Variants in TCEA1 observed in about 807,000 individuals in gnomAD.
TCEA1 encodes the protein transcription elongation factor A1.
TCEA1 carries 21 observed loss-of-function variants against 43.8 expected under a neutral mutation model. The ratio of observed to expected loss-of-function variants is 0.48; its 90% CI spans 0.34 to 0.69. The LOEUF (loss-of-function observed/expected upper bound fraction) is 0.69. Ranked by LOEUF, TCEA1 falls within the 30% of genes least tolerant of loss-of-function variation. The pLI, the probability that TCEA1 is intolerant of heterozygous loss-of-function variation, is 0.01. For synonymous variants in TCEA1, 104 were observed against 117.5 expected (o/e 0.88, Z 0.75); for missense variants, 250 against 365.1 (o/e 0.68, Z 2.57).
intron 1 of TCEA1, among the ~76,000 whole-genome samples, chr8:54,017,607 A>T (rs1279357000): frequency 6.6e-6 from 1 of 152,180 alleles, no homozygotes; most frequent in Non-Finnish European, 1.5e-5. Flanking sequence ...CAATATGGTG[A>T]AACCCCATCT....
At chr8:53,992,930 C>T (rs200977667) in intron 4 of TCEA1, among the ~76,000 whole-genome samples, 1 of 150,006 alleles carries the variant, frequency 6.7e-6, no homozygotes, top group East Asian at 2.0e-4. Context: ...ATGAACTTCA[C>T]ATTTTAAGTT....
At chr8:54,004,080 C>CAATGA in intron 2 of TCEA1, among the ~76,000 whole-genome samples, 1 of 152,244 alleles carries the variant, frequency 6.6e-6, no homozygotes, top group Middle Eastern at 3.4e-3. Flanking sequence ...ATTAAAGCTA[C>CAATGA]AATGAAATAC....
At chr8:54,010,948 T>G (rs1296442182) in intron 1 of TCEA1, among the ~76,000 whole-genome samples, 2 of 152,020 alleles carry the variant, frequency 1.3e-5, no homozygotes, top group African/African-American at 4.8e-5. Flanking sequence ...CCTGAGTAGG[T>G]GAGATTACAG....
intron 4 of TCEA1, among the ~76,000 whole-genome samples, chr8:53,991,341 C>G (rs1334533982): frequency 6.6e-6 from 1 of 151,102 alleles, no homozygotes; most frequent in African/African-American, 2.4e-5. Flanking sequence ...TGCAGTGAGG[C>G]AAGATTGTGC....
chr8:53,988,547 T>C (rs1371494843), intron 4 of TCEA1, among the ~76,000 whole-genome samples: 5 of 152,230 alleles, frequency 3.3e-5, no homozygotes, highest in African/African-American at 1.2e-4. Flanking sequence ...ATACCCATTA[T>C]AGCTCAGTAC....
At chr8:54,005,214 A>T (rs1185217825) in intron 2 of TCEA1, among the ~76,000 whole-genome samples, 1 of 152,188 alleles carries the variant, frequency 6.6e-6, no homozygotes, top group Non-Finnish European at 1.5e-5. Flanking sequence ...TTTCTCTTAT[A>T]TTCTAGAGCT....
intron 8 of TCEA1, chr8:53,972,134 T>G: frequency 3.4e-6 from 1 of 293,392 alleles, no homozygotes; most frequent in Admixed American, 4.9e-5. Context: ...TAACGGCAAG[T>G]GGCAGTGATG....
chr8:53,999,890 A>G (rs1471954262), intron 3 of TCEA1, 55 bp downstream of exon 3: 5 of 1,185,592 alleles, frequency 4.2e-6, no homozygotes, highest in Non-Finnish European at 6.1e-6. Context: ...GTAACCATTA[A>G]CTATTTGAAT....
chr8:53,969,252 T>C (rs1803083079), intron 9 of TCEA1, among the ~76,000 whole-genome samples: 1 of 152,170 alleles, frequency 6.6e-6, no homozygotes, highest in Admixed American at 6.5e-5. Flanking sequence ...ATAGCGCCAC[T>C]GCACTCCAGC....
chr8:53,986,790 G>A (rs1803702124), intron 6 of TCEA1, among the ~76,000 whole-genome samples, 179 bp downstream of exon 6: 1 of 152,176 alleles, frequency 6.6e-6, no homozygotes, highest in South Asian at 2.1e-4. Flanking sequence ...GTGTCAGGCT[G>A]TGTGATCTAG....
intron 3 of TCEA1, among the ~76,000 whole-genome samples, chr8:53,997,310 C>CA (rs1343865323): frequency 3.9e-5 from 6 of 151,916 alleles, no homozygotes; most frequent in South Asian, 2.1e-4. Flanking sequence ...TTGGTTTGAG[C>CA]AAAAAATCAA....
Position 53,999,962 on chromosome 8 carries a change from G to C in TCEA1, c.215C>G (p.Ser72Cys). The C allele has an allele frequency of 2.5e-6, 4 of 1,593,450 alleles. No individual in the cohort carries two copies. The highest frequency in any genetic ancestry group is 3.4e-6 in the Non-Finnish European group (4 of 1,166,466). ...AATGATACCTAATAATTTTTTCCAG[G>C]ATTTGATGAGAGACTTTGCCAAAGA... The part of the protein sequence containing the change: ...VTSLAKSLIK[S>C]WKKLLDGPST... Residue 72 changes from serine (S) to cysteine (C), a missense_variant, in exon 3 of 10, where the codon TCC (serine) becomes TGC (cysteine). Physicochemically the swap from Ser to Cys is moderately radical, Grantham distance 112 (BLOSUM62 -1). This residue lies in a region of TCEA1 where 27 missense variants were observed against 63.1 expected (regional missense o/e 0.43). Coordinates refer to ENST00000521604, the MANE Select transcript of TCEA1 (RefSeq NM_006756.4).
At chr8:53,981,542 T>G (rs1803500604) in intron 7 of TCEA1, among the ~76,000 whole-genome samples, 1 of 152,188 alleles carries the variant, frequency 6.6e-6, no homozygotes, top group Non-Finnish European at 1.5e-5. Context: ...TACAGCATGA[T>G]TTACTGAATA....
chr8:53,981,098 G>A (rs1398341479), intron 7 of TCEA1, among the ~76,000 whole-genome samples: 2 of 152,184 alleles, frequency 1.3e-5, no homozygotes, highest in African/African-American at 4.8e-5. Flanking sequence ...AGCTGCCGAA[G>A]AAAAGTCAAG....
At chr8:54,014,193 C>G (rs1241203717) in intron 1 of TCEA1, among the ~76,000 whole-genome samples, 1 of 152,200 alleles carries the variant, frequency 6.6e-6, no homozygotes, top group Non-Finnish European at 1.5e-5. Flanking sequence ...TCGCCTGACC[C>G]TTATACTGCT....
chr8:54,021,970 G>C (rs1805052261), intron 1 of TCEA1, 93 bp downstream of exon 1: 8 of 1,243,982 alleles, frequency 6.4e-6, no homozygotes, highest in Admixed American at 4.0e-5. Flanking sequence ...GAGGCTGCAG[G>C]GGGAGGGGAG....
chr8:53,996,903 C>CTT lies in TCEA1; in HGVS notation c.232+3040_232+3041dup, dbSNP rs754537318. Among the ~76,000 whole-genome samples the CTT allele has an allele frequency of 1.1e-4, 13 of 116,596 alleles. 1 individual carries two copies. The highest frequency in any genetic ancestry group is 9.6e-4 in the East Asian group (3 of 3,122). 76.5% of individuals were successfully genotyped at this position (116,596 alleles called of 152,430 possible). A position where few individuals can be genotyped will look rare whatever the true frequency, so the allele number is the denominator to read the frequency against. On this transcript the variant is annotated intron_variant, in intron 3 of 9. Coordinates refer to ENST00000521604, the MANE Select transcript of TCEA1 (RefSeq NM_006756.4). ...AGCTAAGGGGTAAAAAGAAGGTTGT[C>CTT]TTTTTTTTTTTTTTTAGACAGACTC...
intron 7 of TCEA1, among the ~76,000 whole-genome samples, chr8:53,983,668 C>CA (rs34669112): frequency 0.021 from 2,957 of 141,510 alleles, 42 homozygotes; most frequent in Non-Finnish European, 0.031. Flanking sequence ...AATTTCGTAT[C>CA]AAAAAAAAAA....
At chr8:54,006,887 G>C (rs1804484458) in intron 2 of TCEA1, among the ~76,000 whole-genome samples, 1 of 152,106 alleles carries the variant, frequency 6.6e-6, no homozygotes, top group South Asian at 2.1e-4. Context: ...GCCCAGGCTG[G>C]GGTGCAGTGG....
Sources: allele counts gnomAD v4.1 joint callset (sites outside exome capture counted in the v4.1 genomes callset), GRCh38; gene constraint gnomAD v4.1.1; regional missense constraint gnomAD v4.1.1; transcripts MANE v1.5; gene names NCBI Gene and HGNC (gene_info 2026-07-23, HGNC 2026-07-21).